Variants in SYT14 observed in about 807,000 individuals in gnomAD.
SYT14 encodes synaptotagmin-14.
In SYT14, 32 loss-of-function variants were observed where a neutral mutation model predicts 74.2. The observed-to-expected ratio is 0.43, with a 90% confidence interval of 0.33 to 0.58. The LOEUF (loss-of-function observed/expected upper bound fraction) is 0.58, where lower values mean the gene tolerates loss of function less well. SYT14 is among the 20% of genes least tolerant of loss of function. The pLI is 0.05. For missense variants in SYT14, 791 were observed against 981.8 expected (o/e 0.81, Z 2.60); for synonymous variants, 298 against 337.7 (o/e 0.88, Z 1.29).
Position 209,952,672 on chromosome 1 carries a change from T to C in SYT14, c.-533-37T>C, listed in dbSNP as rs1177117267. The C allele has an allele frequency of 2.0e-6, 3 of 1,535,352 alleles. No individual in the cohort carries two copies. The South Asian group carries it at 3.4e-5, about 17-fold the overall frequency. ...TGTAACAGTCAGATTCATGCTACTTTCTATGTTTTTAACTTCCCATAAACT... is the reference window on the plus strand; with the variant it reads ...TGTAACAGTCAGATTCATGCTACTTCCTATGTTTTTAACTTCCCATAAACT... On this transcript the variant is annotated intron_variant, in intron 1 of 9. Transcript: ENST00000637265.
intron 1 of SYT14, among the ~76,000 whole-genome samples, chr1:209,950,541 A>C (rs572044972): frequency 1.4e-3 from 207 of 152,244 alleles, no homozygotes; most frequent in African/African-American, 4.9e-3. Flanking sequence ...CCATAGTTTT[A>C]AGTTAGGTGT....
At chr1:210,055,329 C>G (rs920438719) in intron 5 of SYT14, among the ~76,000 whole-genome samples, 5 of 152,000 alleles carry the variant, frequency 3.3e-5, no homozygotes, top group Admixed American at 3.3e-4. Flanking sequence ...TAAATGGTAG[C>G]TATTAACATA....
At chr1:209,990,153 A>G (rs1010822957) in intron 2 of SYT14, among the ~76,000 whole-genome samples, 3 of 152,138 alleles carry the variant, frequency 2.0e-5, no homozygotes, top group African/African-American at 7.2e-5. Flanking sequence ...TTGTAAACAG[A>G]ATTCATTTTC....
intron 2 of SYT14, among the ~76,000 whole-genome samples, chr1:209,963,010 T>G (rs772652955): frequency 1.5e-4 from 23 of 152,192 alleles, no homozygotes; most frequent in South Asian, 6.2e-4. Context: ...CTGTTTGTTT[T>G]TCCTAACCCT....
At chr1:210,072,679 T>G (rs2081416472) in intron 5 of SYT14, among the ~76,000 whole-genome samples, 1 of 152,040 alleles carries the variant, frequency 6.6e-6, no homozygotes, top group Admixed American at 6.6e-5. Flanking sequence ...TACAACATAG[T>G]TTATTCAGAA....
At chr1:209,965,065 G>C (rs1050894557) in intron 2 of SYT14, among the ~76,000 whole-genome samples, 6 of 152,102 alleles carry the variant, frequency 3.9e-5, no homozygotes, top group Non-Finnish European at 7.4e-5. Flanking sequence ...GGCATGTTTT[G>C]ACGAAGGCTA....
exon 10 of SYT14, chr1:210,169,450 G>A (rs994281191): frequency 6.6e-6 from 1 of 151,840 alleles, no homozygotes; most frequent in Admixed American, 6.6e-5. Context: ...GTTGTTTGAA[G>A]CAGAGCTAGA....
At position 210,162,018 on chromosome 1, in the gene SYT14, G is replaced by A. The variant is rs902313441; in HGVS notation, c.*976G>A. 12 of 451,668 alleles carry A rather than the reference G, an allele frequency of 2.7e-5. No individual in the cohort carries two copies. The East Asian group carries it at 4.9e-4, about 18-fold the overall frequency. 28.0% of individuals were successfully genotyped at this position (451,668 alleles called of 1,614,324 possible). A position where few individuals can be genotyped will look rare whatever the true frequency, so the allele number is the denominator to read the frequency against. On this transcript the variant is annotated 3_prime_UTR_variant, in exon 10 of 10. Coordinates refer to ENST00000637265, the Ensembl canonical transcript of SYT14. ...CTGAGTATTTAGTAACCAACACTGC[G>A]TAAAGCAGGTAGCATTCAAAATAAG...
At chr1:209,991,100 C>T (rs527408606) in intron 2 of SYT14, among the ~76,000 whole-genome samples, 1 of 152,240 alleles carries the variant, frequency 6.6e-6, no homozygotes, top group Admixed American at 6.5e-5. Flanking sequence ...AAACTGGACT[C>T]CTAACTCTCA....
At chr1:210,073,818 C>T (rs980263475) in intron 5 of SYT14, among the ~76,000 whole-genome samples, 1 of 151,996 alleles carries the variant, frequency 6.6e-6, no homozygotes, top group Non-Finnish European at 1.5e-5. Context: ...TATACACATT[C>T]AACAGGCCTT....
intron 1 of SYT14, among the ~76,000 whole-genome samples, chr1:209,952,458 A>G (rs2078927714): frequency 6.6e-6 from 1 of 152,152 alleles, no homozygotes; most frequent in Non-Finnish European, 1.5e-5. Flanking sequence ...TGCTGTTGAG[A>G]AGCTTGCCAT....
intron 1 of SYT14, among the ~76,000 whole-genome samples, chr1:209,939,627 A>G (rs2078697576): frequency 1.3e-5 from 2 of 152,296 alleles, no homozygotes; most frequent in South Asian, 4.1e-4. Flanking sequence ...CTGTCCTTTT[A>G]CCAAAGGTTA....
chr1:209,948,154 T>C (rs764525464), intron 1 of SYT14, among the ~76,000 whole-genome samples: 2 of 152,226 alleles, frequency 1.3e-5, no homozygotes, highest in Admixed American at 1.3e-4. Context: ...GAGTCAAACC[T>C]GTCGATATCT....
chr1:210,014,788 GA>G (rs914150589), intron 3 of SYT14, among the ~76,000 whole-genome samples: 1 of 152,012 alleles, frequency 6.6e-6, no homozygotes, highest in African/African-American at 2.4e-5. Flanking sequence ...CATTTGTGCA[GA>G]AAGAACTGGC....
At chr1:209,940,365 AC>A (rs200772801) in intron 1 of SYT14, among the ~76,000 whole-genome samples, 199 of 143,654 alleles carry the variant, frequency 1.4e-3, no homozygotes, top group African/African-American at 4.6e-3. Context: ...AATTCAGTAG[AC>A]CTTTTTTTTT....
intron 1 of SYT14, among the ~76,000 whole-genome samples, chr1:209,939,362 T>A (rs2078691841): frequency 1.3e-5 from 2 of 152,248 alleles, no homozygotes; most frequent in African/African-American, 4.8e-5. Flanking sequence ...AGCGTTTCCC[T>A]TCTAAGTGAT....
At chr1:209,973,149 T>C (rs908417278) in intron 2 of SYT14, among the ~76,000 whole-genome samples, 67 of 152,084 alleles carry the variant, frequency 4.4e-4, no homozygotes, top group African/African-American at 1.6e-3. Flanking sequence ...TCATCTGATA[T>C]AAGAATAGCG....
chr1:210,084,582 T>A (rs749777345), intron 5 of SYT14, among the ~76,000 whole-genome samples: 1 of 152,234 alleles, frequency 6.6e-6, no homozygotes, highest in Non-Finnish European at 1.5e-5. Context: ...GCAGCCAAGG[T>A]TTCTGCAGAG....
At chr1:210,139,818 GT>G (rs34156055) in intron 7 of SYT14, among the ~76,000 whole-genome samples, 1 of 152,086 alleles carries the variant, frequency 6.6e-6, no homozygotes, top group South Asian at 2.1e-4. Context: ...ATACTTCATT[GT>G]TTTTTGGGGA....
Sources: allele counts gnomAD v4.1 joint callset (sites outside exome capture counted in the v4.1 genomes callset), GRCh38; gene constraint gnomAD v4.1.1; transcripts MANE v1.5; gene names NCBI Gene and HGNC (gene_info 2026-07-23, HGNC 2026-07-21).